Variants in GALNT2 observed in about 807,000 individuals in gnomAD.
GALNT2 encodes polypeptide N-acetylgalactosaminyltransferase 2.
GALNT2 carries 31 observed loss-of-function variants against 81.4 expected under a neutral mutation model. The observed-to-expected ratio is 0.38, with a 90% CI of 0.29 to 0.51. GALNT2 has a LOEUF of 0.51. Among genes scored for constraint, GALNT2 ranks in the 20% least tolerant of loss-of-function variants. The pLI is 0.87. For missense variants in GALNT2, 629 were observed against 765.7 expected (o/e 0.82, Z 2.11); for synonymous variants, 303 against 287.4 (o/e 1.05, Z -0.55).
intron 3 of GALNT2, among the ~76,000 whole-genome samples, chr1:230,211,836 T>G (rs1391709601): frequency 6.6e-6 from 1 of 152,218 alleles, no homozygotes; most frequent in Admixed American, 6.5e-5. Flanking sequence ...GATGCTATAC[T>G]TCTGATGATG....
At chr1:230,247,371 G>A (rs1232367844) in intron 8 of GALNT2, among the ~76,000 whole-genome samples, 1 of 152,194 alleles carries the variant, frequency 6.6e-6, no homozygotes, top group African/African-American at 2.4e-5. Context: ...AGGCCATTTT[G>A]CCTCTGCTTC....
chr1:230,101,995 T>G (rs565520310), intron 1 of GALNT2, among the ~76,000 whole-genome samples: 33 of 152,246 alleles, frequency 2.2e-4, no homozygotes, highest in Non-Finnish European at 4.3e-4. Context: ...CCTCTTTGTT[T>G]TCCGAATGGT....
intron 2 of GALNT2, among the ~76,000 whole-genome samples, chr1:230,182,429 C>T (rs148764098): frequency 6.6e-6 from 1 of 152,110 alleles, no homozygotes; most frequent in Non-Finnish European, 1.5e-5. Context: ...GTTTTGTTTT[C>T]ATTTTTATTT....
chr1:230,154,905 T>G (rs1456110981), intron 1 of GALNT2, among the ~76,000 whole-genome samples: 1 of 152,202 alleles, frequency 6.6e-6, no homozygotes, highest in African/African-American at 2.4e-5. Context: ...ATAACTCACC[T>G]TATCACATTG....
chr1:230,213,618 T>C (rs957573386), intron 3 of GALNT2, among the ~76,000 whole-genome samples: 4 of 152,246 alleles, frequency 2.6e-5, no homozygotes, highest in African/African-American at 9.6e-5. Flanking sequence ...TTAGTTCTTT[T>C]ACATTTAATG....
intron 1 of GALNT2, 132 bp downstream of exon 1, chr1:230,067,538 C>G (rs1192126684): frequency 1.7e-5 from 5 of 296,558 alleles, no homozygotes; most frequent in Non-Finnish European, 2.4e-5. Context: ...GCCCTCGTCC[C>G]GGGCCTCCGC....
intron 3 of GALNT2, among the ~76,000 whole-genome samples, chr1:230,222,539 G>A (rs1047674757): frequency 6.6e-6 from 1 of 151,882 alleles, no homozygotes; most frequent in Non-Finnish European, 1.5e-5. Flanking sequence ...TTTTTGGTAC[G>A]TTGCTTATTT....
At chr1:230,099,883 T>C (rs1251794542) in intron 1 of GALNT2, among the ~76,000 whole-genome samples, 1 of 152,206 alleles carries the variant, frequency 6.6e-6, no homozygotes, top group East Asian at 1.9e-4. Flanking sequence ...TTTGTTTCCA[T>C]TATAGGATTA....
rs529541201 is a variant in GALNT2 at position 230,263,407 on chromosome 1, C to T, written c.1313+402C>T. 51 of 199,154 alleles carry T rather than the reference C, an allele frequency of 2.6e-4. No homozygotes were observed. The South Asian group carries it at 3.2e-3, about 13-fold the overall frequency. The allele number at this position is 199,154 out of a possible 1,614,324, so 12.3% of individuals were successfully genotyped here. The stretch of plus-strand genomic sequence containing the variant: ...GCCAGCCCTCGATCCCCCCGCCAGG[C>T]GCCTTTGCATGCCTCCGATCTGCTG... On this transcript the variant is annotated intron_variant, in intron 13 of 15. Coordinates refer to ENST00000366672, the MANE Select transcript of GALNT2 (RefSeq NM_004481.5).
chr1:230,124,796 C>T (rs576444871), intron 1 of GALNT2, among the ~76,000 whole-genome samples: 19 of 152,310 alleles, frequency 1.2e-4, no homozygotes, highest in African/African-American at 3.8e-4. Context: ...GTCCCACCTG[C>T]ATTACCCCCA....
At chr1:230,176,969 C>T (rs776285284) in intron 1 of GALNT2, among the ~76,000 whole-genome samples, 2 of 152,170 alleles carry the variant, frequency 1.3e-5, no homozygotes, top group African/African-American at 2.4e-5. Context: ...TCCCTTCCTG[C>T]CATTTTCACG....
intron 14 of GALNT2, chr1:230,268,201 G>A (rs1052735708): frequency 2.0e-5 from 3 of 152,316 alleles, no homozygotes; most frequent in East Asian, 1.9e-4. Context: ...CATCTAAACC[G>A]GACAGACGGT....
At chr1:230,176,533 A>G (rs1414318789) in intron 1 of GALNT2, among the ~76,000 whole-genome samples, 1 of 152,204 alleles carries the variant, frequency 6.6e-6, no homozygotes, top group Non-Finnish European at 1.5e-5. Flanking sequence ...TCAAGCCTCA[A>G]AATAAAAATT....
chr1:230,197,750 C>G (rs373710444), intron 2 of GALNT2, among the ~76,000 whole-genome samples: 5 of 151,450 alleles, frequency 3.3e-5, no homozygotes, highest in East Asian at 1.9e-4. Flanking sequence ...ATTTTGTGCT[C>G]TGTGTGTGTG....
At chr1:230,078,076 C>G (rs112535056) in intron 1 of GALNT2, among the ~76,000 whole-genome samples, 1 of 152,160 alleles carries the variant, frequency 6.6e-6, no homozygotes, top group Non-Finnish European at 1.5e-5. Context: ...GCATTCCAGT[C>G]GGGGGTGGTG....
At chr1:230,069,266 T>TG (rs1415366793) in intron 1 of GALNT2, among the ~76,000 whole-genome samples, 200 of 148,810 alleles carry the variant, frequency 1.3e-3, no homozygotes, top group African/African-American at 4.8e-3. Flanking sequence ...AGTTTGTTTT[T>TG]TTTTGTTTTG....
At chr1:230,097,173 T>C (rs914359671) in intron 1 of GALNT2, among the ~76,000 whole-genome samples, 2 of 152,246 alleles carry the variant, frequency 1.3e-5, no homozygotes, top group African/African-American at 4.8e-5. Context: ...CTGAGCGGTT[T>C]GCTCAGGAGA....
chr1:230,148,409 A>G (rs1288665779), intron 1 of GALNT2, among the ~76,000 whole-genome samples: 1 of 152,194 alleles, frequency 6.6e-6, no homozygotes, highest in Non-Finnish European at 1.5e-5. Flanking sequence ...GTCACAGGTA[A>G]CCTGGGTGCA....
At chr1:230,072,336 G>A (rs889830583) in intron 1 of GALNT2, among the ~76,000 whole-genome samples, 1 of 139,378 alleles carries the variant, frequency 7.2e-6, no homozygotes, top group Non-Finnish European at 1.5e-5. Flanking sequence ...GAGGCAGTGG[G>A]CTTAGTGAAA....
Sources: gnomAD v4.1 joint callset for allele counts (sites outside exome capture counted in the v4.1 genomes callset) on GRCh38, gnomAD v4.1.1 for gene constraint, MANE v1.5 for transcripts, NCBI Gene and HGNC (gene_info 2026-07-23, HGNC 2026-07-21) for gene names.